The following NLRP2 variants were observed in gnomAD, a reference collection of about 807,000 sequenced individuals.
NLRP2 encodes NLR family pyrin domain containing 2.
Under a neutral mutation model 97.2 loss-of-function variants are expected in NLRP2, and 107 were observed. The observed-to-expected ratio is 1.10, with a 90% CI of 0.94 to 1.29. The LOEUF is 1.29. NLRP2 is among the 50% of genes most tolerant of loss of function. The pLI, the probability that NLRP2 is intolerant of heterozygous loss-of-function variation, is 0.00. For synonymous variants in NLRP2, 663 were observed against 551.5 expected (o/e 1.20, Z -2.83); for missense variants, 1,495 against 1,330.3 (o/e 1.12, Z -1.93).
chr19:54,972,071 T>C (rs1224181004), intron 2 of NLRP2, among the ~76,000 whole-genome samples: 9 of 150,380 alleles, frequency 6.0e-5, no homozygotes. Flanking sequence ...CTCGATGTCG[T>C]GACCTCATGA....
chr19:54,983,870 A>G, intron 6 of NLRP2, 142 bp downstream of exon 6: 1 of 1,291,592 alleles, frequency 7.7e-7, no homozygotes. Flanking sequence ...TTTTGTTTTG[A>G]GATGGAGTCT....
Position 54,981,689 on chromosome 19 carries a change from AC to A in NLRP2, c.463+9del. On this transcript the variant is annotated splice_region_variant and intron_variant, in intron 5 of 12. Transcript: ENST00000448584. ...TTTAAAGGAAAAAAGCCAGGTCTGT[AC>A]CATATCTTCCTGCAGGGAGCTTGGG... The A allele has an allele frequency of 6.8e-7, 1 of 1,474,104 alleles. No homozygotes were observed. Among genetic ancestry groups the A allele is most frequent in the Non-Finnish European group, 9.5e-7 (1 of 1,052,224 alleles). The allele number at this position is 1,474,104 out of a possible 1,614,324, so 91.3% of individuals were successfully genotyped here.
At chr19:54,973,955 G>A in intron 2 of NLRP2, 1 of 921,008 alleles carries the variant, frequency 1.1e-6, no homozygotes, top group South Asian at 1.3e-5. Flanking sequence ...TGGCTATGGT[G>A]GGCAGACTAA....
In NLRP2 at chr19:54,982,181, G is replaced by A; in HGVS notation, c.483G>A (p.Arg161=). 1.2e-6 allele frequency: 2 copies of A among 1,614,130 alleles called. No individual in the cohort carries two copies. Among genetic ancestry groups the A allele is most frequent in the Non-Finnish European group, 1.7e-6 (2 of 1,180,044 alleles). The change falls in exon 6 of 13, where the codon AGG becomes AGA. Residue 161 remains arginine, a synonymous_variant. Coordinates refer to ENST00000448584, the MANE Select transcript of NLRP2 (RefSeq NM_017852.5). ...ATAAAGACAAAGACAATAGGTGCAGGTATATATTGAAGACGAAGTTCCGGG... is the reference window on the plus strand; with the variant it reads ...ATAAAGACAAAGACAATAGGTGCAGATATATATTGAAGACGAAGTTCCGGG... ...GKKPDKDNRC[R]YILKTKFREM... is the part of the protein sequence containing the mutation.
At chr19:54,969,813 C>T (rs779884070) in intron 1 of NLRP2, among the ~76,000 whole-genome samples, 186 bp from the exon 2 acceptor site, 1 of 152,164 alleles carries the variant, frequency 6.6e-6, no homozygotes, top group Non-Finnish European at 1.5e-5. Context: ...GCATGTACCA[C>T]CACCCACTGC....
Position 54,982,755 on chromosome 19 carries a change from T to G in NLRP2, c.1057T>G (p.Tyr353Asp), listed in dbSNP as rs1417580166. The G allele has an allele frequency of 6.2e-7, 1 of 1,614,018 alleles. No individual in the cohort carries two copies. The highest frequency in any genetic ancestry group is 1.3e-5 in the African/African-American group (1 of 74,932). The change falls in exon 6 of 13, where the codon TAC (tyrosine) becomes GAC (aspartate). Residue 353 changes from tyrosine to aspartate, a missense_variant. Transcript: ENST00000448584. ...CCGGATCCTGGCGGAGGAGCCGATC[T>G]ACATAAGGGTGGAGGGCTTCCTGGA... is the stretch of plus-strand genomic sequence containing the variant. ...DLRILAEEPI[Y>D]IRVEGFLEED...
rs2072378403 is a variant in NLRP2 at position 54,990,207 on chromosome 19, TCTTA to T, written c.2537+17_2537+20del. On this transcript the variant is annotated intron_variant, in intron 9 of 12. Transcript: ENST00000448584. Reference sequence around the variant, plus strand: ...CAGAGGTTGTCGTAAGTCTCTCCTCTCTTACAGAGCAGCTGTGCTTTCGATCTGG... The same window carrying T: ...CAGAGGTTGTCGTAAGTCTCTCCTCTCAGAGCAGCTGTGCTTTCGATCTGG... The T allele has an allele frequency of 6.2e-7, 1 of 1,613,682 alleles. No individual in the cohort carries two copies. Among genetic ancestry groups the T allele is most frequent in the Admixed American group, 1.7e-5 (1 of 59,964 alleles).
At chr19:54,975,725 T>C (rs1272741455) in intron 3 of NLRP2, among the ~76,000 whole-genome samples, 1 of 152,090 alleles carries the variant, frequency 6.6e-6, no homozygotes, top group African/African-American at 2.4e-5. Flanking sequence ...GTGCTGGGAT[T>C]ACAGGCGTGA....
At chr19:54,985,492 A>G (rs2071996562) in intron 7 of NLRP2, among the ~76,000 whole-genome samples, 1 of 151,910 alleles carries the variant, frequency 6.6e-6, no homozygotes, top group African/African-American at 2.4e-5. Flanking sequence ...AGCCTGGCCA[A>G]CGTGACAAAA....
chr19:54,968,186 G>T (rs1222309223), intron 1 of NLRP2, among the ~76,000 whole-genome samples: 1 of 151,030 alleles, frequency 6.6e-6, no homozygotes, highest in Non-Finnish European at 1.5e-5. Context: ...CCAAAGTGCT[G>T]TGATTACAGG....
chr19:54,983,885 C>G (rs550769036), intron 6 of NLRP2, among the ~76,000 whole-genome samples, 157 bp downstream of exon 6: 2 of 152,338 alleles, frequency 1.3e-5, no homozygotes, highest in South Asian at 2.1e-4. Flanking sequence ...GAGTCTTGCT[C>G]TGTCGCTCAG....
chr19:54,986,402 G>A (rs922111121), intron 8 of NLRP2, 87 bp downstream of exon 8: 117 of 1,293,628 alleles, frequency 9.0e-5, no homozygotes, highest in Non-Finnish European at 1.3e-4. Flanking sequence ...ATAAGAAAAA[G>A]TTCGTTATTC....
Position 54,983,742 on chromosome 19 carries a change from C to A in NLRP2, c.2030+14C>A, listed in dbSNP as rs748953572. The stretch of plus-strand genomic sequence containing the variant: ...CGAGGTTGAGAGGTGAGAACCGTTT[C>A]ACTCTACCAGTCGTTCCATCTTTAG... On this transcript the variant is annotated intron_variant, in intron 6 of 12. Transcript: ENST00000448584. 1.2e-6 allele frequency: 2 copies of A among 1,606,916 alleles called. No individual in the cohort carries two copies. The highest frequency in any genetic ancestry group is 1.7e-6 in the Non-Finnish European group (2 of 1,179,834).
At chr19:54,989,968 G>A (rs2072348815) in intron 8 of NLRP2, 54 bp from the exon 9 acceptor site, 1 of 1,585,546 alleles carries the variant, frequency 6.3e-7, no homozygotes, top group East Asian at 2.2e-5. Context: ...CAACAAGAGT[G>A]AGACTCAGTC....
chr19:54,994,078 G>A, intron 10 of NLRP2, 191 bp from the exon 11 acceptor site: 2 of 672,902 alleles, frequency 3.0e-6, no homozygotes, highest in South Asian at 3.3e-5. Flanking sequence ...TTGCTCGCAG[G>A]TGCCAGGAGT....
At chr19:54,984,157 A>T (rs2071863315) in intron 6 of NLRP2, among the ~76,000 whole-genome samples, 1 of 150,258 alleles carries the variant, frequency 6.7e-6, no homozygotes, top group Non-Finnish European at 1.5e-5. Context: ...GCCCAAATAT[A>T]TTTTTTTAAG....
At chr19:54,991,671 C>G (rs1161026080) in intron 10 of NLRP2, 1 of 151,978 alleles carries the variant, frequency 6.6e-6, no homozygotes, top group African/African-American at 2.4e-5. Context: ...GAGTTTGAGA[C>G]CAGCCTGGCT....
intron 10 of NLRP2, among the ~76,000 whole-genome samples, chr19:54,992,865 T>G (rs1161467089): frequency 6.6e-6 from 1 of 151,886 alleles, no homozygotes; most frequent in Non-Finnish European, 1.5e-5. Flanking sequence ...GCCCCCTCAA[T>G]TCAACTTTTT....
intron 1 of NLRP2, among the ~76,000 whole-genome samples, chr19:54,969,276 C>A (rs2070690164): frequency 6.7e-6 from 1 of 149,962 alleles, no homozygotes; most frequent in Admixed American, 6.7e-5. Flanking sequence ...GAGTTCGAGA[C>A]CAGCCTGGCC....
Sources: gnomAD v4.1 joint callset for allele counts (sites outside exome capture counted in the v4.1 genomes callset) on GRCh38, gnomAD v4.1.1 for gene constraint, MANE v1.5 for transcripts, NCBI Gene and HGNC (gene_info 2026-07-23, HGNC 2026-07-21) for gene names.